Variants in CDH13 observed in about 807,000 individuals in gnomAD.
CDH13 encodes the protein cadherin 13.
In CDH13, 24 loss-of-function variants were observed where a neutral mutation model predicts 63.8. The ratio of observed to expected loss-of-function variants is 0.38; its 90% CI spans 0.27 to 0.53. The LOEUF (loss-of-function observed/expected upper bound fraction) is 0.53. CDH13 is among the 20% of genes least tolerant of loss of function. The pLI, the probability that CDH13 is intolerant of heterozygous loss-of-function variation, is 0.85. For missense variants in CDH13, 1,049 were observed against 903.1 expected (o/e 1.16, Z -2.07); for synonymous variants, 503 against 355.3 (o/e 1.42, Z -4.67).
rs1156752584 is a variant in CDH13, at chr16:83,184,507, C to A, written c.484-32838C>A. 2.0e-5 allele frequency among the ~76,000 whole-genome samples: 3 copies of A among 152,094 alleles called. No individual in the cohort carries two copies. In the East Asian group the frequency reaches 5.8e-4, roughly 29 times the overall value. On this transcript the variant is annotated intron_variant, in intron 4 of 13. Coordinates refer to ENST00000567109, the MANE Select transcript of CDH13 (RefSeq NM_001257.5). ...CGGTGGCTCACACCTGTAATCCCAG[C>A]ACTTTGGGAGGCTGAGGTGGGTGGA... is the stretch of plus-strand genomic sequence containing the variant.
chr16:83,089,590 G>A (rs2033794169), intron 3 of CDH13, among the ~76,000 whole-genome samples: 1 of 152,210 alleles, frequency 6.6e-6, no homozygotes, highest in Non-Finnish European at 1.5e-5. Context: ...CTGCTCTGGA[G>A]GTGGGGAATG....
At chr16:82,895,081 T>A (rs1183377588) in intron 2 of CDH13, among the ~76,000 whole-genome samples, 1 of 152,230 alleles carries the variant, frequency 6.6e-6, no homozygotes, top group Non-Finnish European at 1.5e-5. Context: ...TCACTCATTT[T>A]AAGGTGAACA....
chr16:82,877,978 C>G (rs1480315478), intron 2 of CDH13, among the ~76,000 whole-genome samples: 2 of 150,530 alleles, frequency 1.3e-5, no homozygotes, highest in African/African-American at 4.9e-5. Context: ...CACACACACA[C>G]TCTATATATG....
chr16:83,504,343 T>C (rs12930939), intron 7 of CDH13, among the ~76,000 whole-genome samples: 112,604 of 152,082 alleles, frequency 0.74, 42,193 homozygotes, highest in East Asian at 0.88. Flanking sequence ...ACTTCTCTTC[T>C]GAAGATCTGC....
chr16:83,544,775 C>G (rs2075354857), intron 7 of CDH13, among the ~76,000 whole-genome samples: 1 of 152,170 alleles, frequency 6.6e-6, no homozygotes, highest in South Asian at 2.1e-4. Flanking sequence ...TTAACCCTCA[C>G]CGTCTTTGTT....
At chr16:83,384,110 A>T (rs2091624997) in intron 6 of CDH13, among the ~76,000 whole-genome samples, 1 of 152,164 alleles carries the variant, frequency 6.6e-6, no homozygotes. Flanking sequence ...TTTAAAACAC[A>T]AGTTCAAACT....
chr16:82,672,652 C>G (rs1353007647), intron 1 of CDH13, among the ~76,000 whole-genome samples: 2 of 152,020 alleles, frequency 1.3e-5, no homozygotes, highest in Admixed American at 6.6e-5. Context: ...CCTCCATCTG[C>G]CTTGTAAATC....
At chr16:82,926,046 A>T (rs1324813537) in intron 2 of CDH13, 3 of 152,228 alleles carry the variant, frequency 2.0e-5, no homozygotes, top group Admixed American at 2.0e-4. Context: ...GAAAAAAAAT[A>T]AAAATAAAAA....
intron 3 of CDH13, among the ~76,000 whole-genome samples, chr16:83,091,418 A>G (rs112066728): frequency 2.0e-5 from 3 of 152,346 alleles, no homozygotes; most frequent in African/African-American, 7.2e-5. Flanking sequence ...AGATGTTGCC[A>G]TTCTCTATGA....
intron 1 of CDH13, among the ~76,000 whole-genome samples, chr16:82,667,764 C>A (rs1912771841): frequency 6.6e-6 from 1 of 152,128 alleles, no homozygotes; most frequent in Non-Finnish European, 1.5e-5. Context: ...TCTGAGCCGC[C>A]ACAGCTCACG....
chr16:82,834,462 C>T (rs983442862), intron 1 of CDH13, among the ~76,000 whole-genome samples: 1 of 152,026 alleles, frequency 6.6e-6, no homozygotes, highest in African/African-American at 2.4e-5. Flanking sequence ...AGAAAGTTTC[C>T]CCCTCTAAAA....
chr16:82,895,689 C>CT (rs35076608), intron 2 of CDH13, among the ~76,000 whole-genome samples: 57 of 147,792 alleles, frequency 3.9e-4, no homozygotes, highest in Admixed American at 9.4e-4. Flanking sequence ...ACGCCTCTCC[C>CT]TTTTTTTTTT....
intron 5 of CDH13, among the ~76,000 whole-genome samples, chr16:83,250,097 A>G (rs1330378538): frequency 6.6e-6 from 1 of 152,134 alleles, no homozygotes. Flanking sequence ...GACCATACCC[A>G]TGGGTGTCAG....
chr16:83,285,729 G>A (rs72804307), intron 5 of CDH13, among the ~76,000 whole-genome samples: 27 of 152,194 alleles, frequency 1.8e-4, no homozygotes, highest in African/African-American at 4.8e-4. Context: ...TTGTGGGGGA[G>A]GGATGTTGAA....
chr16:82,658,146 CATCTATTGATATGTGCATGTGAT>C (rs1276248786), intron 1 of CDH13, among the ~76,000 whole-genome samples: 3 of 152,172 alleles, frequency 2.0e-5, no homozygotes, highest in African/African-American at 7.2e-5. Context: ...GCTTTTTCTG[CATCTATTGATATGTGCATGTGAT>C]ATCTATTGAT....
chr16:83,366,649 T>C (rs760550640), intron 6 of CDH13, among the ~76,000 whole-genome samples: 3 of 152,096 alleles, frequency 2.0e-5, no homozygotes, highest in Non-Finnish European at 2.9e-5. Context: ...CTCCAGATAG[T>C]CTCCTGACAC....
rs891583925 is a variant in CDH13 at position 83,200,510 on chromosome 16, C to T, written c.484-16835C>T. ...CTCAAATGTTTTCCTCCTTAGTCCC[C>T]TGTCTACACGTAGCCTCTATCCATC... is the stretch of plus-strand genomic sequence containing the variant. On this transcript the variant is annotated intron_variant, in intron 4 of 13. Transcript: ENST00000567109. 2.0e-5 allele frequency among the ~76,000 whole-genome samples: 3 copies of T among 152,260 alleles called. 1 individual carries two copies.
At position 83,201,744 on chromosome 16, in the gene CDH13, T is replaced by TA. The variant is rs556572476; in HGVS notation, c.484-15587dup. Among the ~76,000 whole-genome samples, 1,286 of 132,066 alleles carry TA rather than the reference T, an allele frequency of 9.7e-3. 8 individuals are homozygous for TA. The highest frequency in any genetic ancestry group is 0.056 in the Middle Eastern group (15 of 266). 86.6% of individuals were successfully genotyped at this position (132,066 alleles called of 152,430 possible). A position where few individuals can be genotyped will look rare whatever the true frequency, so the allele number is the denominator to read the frequency against. On this transcript the variant is annotated intron_variant, in intron 4 of 13. Transcript: ENST00000567109. ...AACCCCGTCTCTAATAAAAAAAAAT[T>TA]AAAAAAAAAAAAAACACAAAAAATT...
chr16:83,600,483 A>G (rs1309336538), intron 7 of CDH13, among the ~76,000 whole-genome samples: 1 of 152,246 alleles, frequency 6.6e-6, no homozygotes, highest in Non-Finnish European at 1.5e-5. Context: ...TTGCACTTCA[A>G]AATACTTAAA....
Sources: allele counts gnomAD v4.1 joint callset (sites outside exome capture counted in the v4.1 genomes callset), GRCh38; gene constraint gnomAD v4.1.1; transcripts MANE v1.5; gene names NCBI Gene and HGNC (gene_info 2026-07-23, HGNC 2026-07-21).